Variants in RAP1A observed in about 807,000 individuals in gnomAD.
RAP1A encodes the protein RAP1A, member of RAS oncogene family.
A neutral mutation model predicts 26.4 loss-of-function variants in RAP1A; 6 were observed. That is an observed-to-expected ratio of 0.23 (90% CI 0.12 to 0.45). RAP1A has a LOEUF of 0.45. Among genes scored for constraint, RAP1A ranks in the 20% least tolerant of loss-of-function variants. RAP1A has a pLI of 0.99. For synonymous variants in RAP1A, 73 were observed against 79.4 expected, an observed-to-expected ratio of 0.92 and a Z score of 0.43; for missense variants, 121 against 217.2, an observed-to-expected ratio of 0.56 and a Z score of 2.78.
rs533765637 is a variant in RAP1A, at chr1:111,643,148, A to T, written c.-28+23214A>T. Among the ~76,000 whole-genome samples the T allele has an allele frequency of 2.0e-5, 3 of 152,284 alleles. No homozygotes were observed. In the East Asian group the frequency reaches 5.8e-4, roughly 29 times the overall value. On this transcript the variant is annotated intron_variant, in intron 1 of 7. Transcript: ENST00000369709. ...CATATGGTCCCTGTTGCAGATATTC[A>T]ACTCTGCTGTTATAGGGTGAAAGCC...
chr1:111,612,617 C>T lies in RAP1A; in HGVS notation c.-28+70108C>T, dbSNP rs1158214605. Among the ~76,000 whole-genome samples the T allele has an allele frequency of 5.3e-5, 8 of 152,286 alleles. No individual in the cohort carries two copies. The East Asian group carries it at 1.5e-3, about 29-fold the overall frequency. ...TTTTCAATGGCCATCAAGAAACCAA[C>T]TGTATTGCCGCTCAAATCACACAAT... On this transcript the variant is annotated intron_variant, in intron 1 of 7. Coordinates refer to the RAP1A transcript ENST00000356415.
chr1:111,614,286 C>T (rs1658977895), intron 1 of RAP1A, among the ~76,000 whole-genome samples: 1 of 152,138 alleles, frequency 6.6e-6, no homozygotes, highest in African/African-American at 2.4e-5. Context: ...CATACCAATG[C>T]CAGGTCACAT....
chr1:111,565,662 G>C (rs1657902389), intron 1 of RAP1A, among the ~76,000 whole-genome samples: 1 of 152,160 alleles, frequency 6.6e-6, no homozygotes, highest in Non-Finnish European at 1.5e-5. Context: ...CTGAAGCAGT[G>C]TGAAGCATTT....
chr1:111,668,587 A>G (rs144765866), intron 1 of RAP1A, among the ~76,000 whole-genome samples: 1 of 152,344 alleles, frequency 6.6e-6, no homozygotes, highest in African/African-American at 2.4e-5. Flanking sequence ...CAAGGTTAGT[A>G]AAGTAGTAGA....
chr1:111,644,121 G>A (rs1012749607), intron 1 of RAP1A, among the ~76,000 whole-genome samples: 2 of 152,166 alleles, frequency 1.3e-5, no homozygotes, highest in Admixed American at 6.6e-5. Flanking sequence ...ACTTCCATCT[G>A]TTTGAATAAC....
chr1:111,596,419 G>C (rs866159188), intron 1 of RAP1A, among the ~76,000 whole-genome samples: 4 of 152,154 alleles, frequency 2.6e-5, no homozygotes, highest in Non-Finnish European at 5.9e-5. Flanking sequence ...ATTGCTTCTT[G>C]GTGCATTTTT....
At chr1:111,677,325 A>G (rs984240791) in intron 1 of RAP1A, among the ~76,000 whole-genome samples, 86 of 152,318 alleles carry the variant, frequency 5.6e-4, no homozygotes, top group African/African-American at 1.9e-3. Context: ...GTTGAAGTTA[A>G]CATTGTTTCT....
At chr1:111,552,489 G>A (rs1657307760) in intron 1 of RAP1A, among the ~76,000 whole-genome samples, 1 of 152,128 alleles carries the variant, frequency 6.6e-6, no homozygotes, top group Non-Finnish European at 1.5e-5. Context: ...ATTTGTAGTT[G>A]CTTTTATGTT....
At chr1:111,583,231 A>G (rs765058693) in intron 1 of RAP1A, among the ~76,000 whole-genome samples, 1 of 151,312 alleles carries the variant, frequency 6.6e-6, no homozygotes, top group Non-Finnish European at 1.5e-5. Flanking sequence ...CATATGCCCA[A>G]TTATTCTCTA....
intron 1 of RAP1A, among the ~76,000 whole-genome samples, chr1:111,552,460 T>C (rs1228642479): frequency 6.6e-6 from 1 of 152,206 alleles, no homozygotes; most frequent in Non-Finnish European, 1.5e-5. Flanking sequence ...AAAAAGTAGA[T>C]TCTGATCATT....
At chr1:111,568,503 C>T (rs1657973799) in intron 1 of RAP1A, among the ~76,000 whole-genome samples, 1 of 152,180 alleles carries the variant, frequency 6.6e-6, no homozygotes, top group South Asian at 2.1e-4. Context: ...AATCACTTCC[C>T]ACCAGGCCCC....
At position 111,712,960 on chromosome 1, in the gene RAP1A, G is replaced by T. The variant is rs776352568; in HGVS notation, c.*559G>T. On this transcript the variant is annotated 3_prime_UTR_variant, in exon 8 of 8. Transcript: ENST00000369709. ...TTGTGCATAATGCTTTGGAAAAATG[G>T]GTCTTTTATAGGAAAAAAACTGGGA... The T allele has an allele frequency of 3.9e-4, 59 of 152,190 alleles. No homozygotes were observed. Among genetic ancestry groups the T allele is most frequent in the Non-Finnish European group, 1.3e-4 (9 of 67,868 alleles). The allele number at this position is 152,190 out of a possible 1,614,324, so 9.4% of individuals were successfully genotyped here.
intron 1 of RAP1A, among the ~76,000 whole-genome samples, chr1:111,684,159 T>C (rs1384673685): frequency 6.6e-6 from 1 of 152,146 alleles, no homozygotes; most frequent in African/African-American, 2.4e-5. Context: ...ATGGAACATA[T>C]CCCAAAATAA....
At chr1:111,616,654 C>A (rs1459652558), upstream of RAP1A, among the ~76,000 whole-genome samples, 1 of 152,194 alleles carries the variant, frequency 6.6e-6, no homozygotes, top group Admixed American at 6.5e-5. Flanking sequence ...TATAATCACT[C>A]CCTTACATAA....
chr1:111,653,467 AGGTTG>A (rs1337250329), intron 1 of RAP1A, among the ~76,000 whole-genome samples: 1 of 152,002 alleles, frequency 6.6e-6, no homozygotes, highest in Non-Finnish European at 1.5e-5. Context: ...GGATCACCTG[AGGTTG>A]GGAGTTTGAG....
At chr1:111,605,280 T>C (rs994304319) in intron 1 of RAP1A, among the ~76,000 whole-genome samples, 4 of 152,190 alleles carry the variant, frequency 2.6e-5, no homozygotes, top group Admixed American at 6.5e-5. Context: ...CAAATAAACG[T>C]ACATATGTTT....
intron 1 of RAP1A, among the ~76,000 whole-genome samples, chr1:111,646,440 C>A (rs6678115): frequency 0.061 from 7,552 of 123,888 alleles, 265 homozygotes; most frequent in Middle Eastern, 0.11. Flanking sequence ...AAAAACAAAA[C>A]AAAACCTCAA....
At chr1:111,638,527 T>C (rs549565495) in intron 1 of RAP1A, among the ~76,000 whole-genome samples, 2 of 152,202 alleles carry the variant, frequency 1.3e-5, no homozygotes, top group African/African-American at 4.8e-5. Context: ...TCCACTCAGG[T>C]GATTCCCCCA....
chr1:111,544,530 G>A (rs1465742721), intron 1 of RAP1A, among the ~76,000 whole-genome samples: 1 of 152,084 alleles, frequency 6.6e-6, no homozygotes. Flanking sequence ...AACATGCATT[G>A]TATCAGTATA....
Sources: allele counts gnomAD v4.1 joint callset (sites outside exome capture counted in the v4.1 genomes callset), GRCh38; gene constraint gnomAD v4.1.1; transcripts MANE v1.5; gene names NCBI Gene and HGNC (gene_info 2026-07-23, HGNC 2026-07-21).